The following SGCD variants were observed in gnomAD, a reference collection of about 807,000 sequenced individuals.
The protein encoded by SGCD is sarcoglycan delta.
In SGCD, 18 loss-of-function variants were observed where a neutral mutation model predicts 36.6. The ratio of observed to expected loss-of-function variants is 0.49; its 90% CI spans 0.34 to 0.73. The LOEUF is 0.73. Among genes scored for constraint, SGCD ranks in the 30% least tolerant of loss-of-function variants. The pLI, the probability that SGCD is intolerant of heterozygous loss-of-function variation, is 0.01. For synonymous variants in SGCD, 133 were observed against 130.6 expected, an observed-to-expected ratio of 1.02 and a Z score of -0.12; for missense variants, 387 against 346.7, an observed-to-expected ratio of 1.12 and a Z score of -0.92.
chr5:156,309,032 T>C lies in SGCD; in HGVS notation c.-43-20502T>C, dbSNP rs574922580. Among the ~76,000 whole-genome samples, 11 of 152,308 alleles carry C rather than the reference T, an allele frequency of 7.2e-5. No individual in the cohort carries two copies. The East Asian group carries it at 1.9e-3, about 27-fold the overall frequency. Reference sequence around the variant, plus strand: ...GCTAATAAATTTATTGAGAATCCCTTGTATGTGGCACATTACCTCTCTATT... The same window carrying C: ...GCTAATAAATTTATTGAGAATCCCTCGTATGTGGCACATTACCTCTCTATT... On this transcript the variant is annotated intron_variant, in intron 3 of 9. Coordinates refer to the SGCD transcript ENST00000517913.
In SGCD at chr5:155,878,866, T is replaced by G. The variant is rs1755818857; in HGVS notation, c.-282+8442T>G. 2.0e-5 allele frequency among the ~76,000 whole-genome samples: 3 copies of G among 152,302 alleles called. No individual in the cohort carries two copies. The South Asian group carries it at 6.2e-4, about 32-fold the overall frequency. ...CAAGAAACAAATTCAATATTGAGCT[T>G]TATTTCGTTATTTAAACCAAACTTG... On this transcript the variant is annotated intron_variant, in intron 1 of 9. Transcript: ENST00000517913.
intron 7 of SGCD, among the ~76,000 whole-genome samples, chr5:156,734,302 G>A (rs935197341): frequency 3.4e-5 from 5 of 145,446 alleles, no homozygotes; most frequent in African/African-American, 1.1e-4. Flanking sequence ...CCCTCCAGCT[G>A]CCTTTAACTT....
At chr5:156,069,023 G>A (rs973811727) in intron 1 of SGCD, among the ~76,000 whole-genome samples, 5 of 152,026 alleles carry the variant, frequency 3.3e-5, no homozygotes, top group African/African-American at 4.8e-5. Flanking sequence ...CTGGATATTA[G>A]CCCTTTGTCA....
intron 3 of SGCD, among the ~76,000 whole-genome samples, chr5:156,160,225 A>G (rs1243442006): frequency 1.3e-5 from 2 of 151,696 alleles, no homozygotes; most frequent in Admixed American, 6.5e-5. Flanking sequence ...TTAAGAGATT[A>G]TAATATGAAA....
the SGCD span, among the ~76,000 whole-genome samples, chr5:155,778,440 A>G: frequency 6.6e-6 from 1 of 152,230 alleles, no homozygotes; most frequent in African/African-American, 2.4e-5. Flanking sequence ...GAAGAGAATA[A>G]AACCCAGAAT....
At chr5:155,900,592 A>G (rs1756368711) in intron 1 of SGCD, among the ~76,000 whole-genome samples, 1 of 95,952 alleles carries the variant, frequency 1.0e-5, no homozygotes, top group Non-Finnish European at 2.0e-5. Flanking sequence ...ACTCCACAAC[A>G]GTCCCCAGAG....
At chr5:156,157,528 C>T (rs1031943193) in intron 3 of SGCD, among the ~76,000 whole-genome samples, 1 of 151,682 alleles carries the variant, frequency 6.6e-6, no homozygotes, top group African/African-American at 2.4e-5. Context: ...TTCCACTTTG[C>T]CATAAACTCT....
intron 3 of SGCD, among the ~76,000 whole-genome samples, chr5:156,291,865 G>T (rs1044638037): frequency 5.9e-5 from 9 of 151,912 alleles, no homozygotes; most frequent in African/African-American, 2.2e-4. Context: ...ATTTATTTGT[G>T]GTGGGAACAC....
At chr5:155,859,961 G>T in the SGCD span, among the ~76,000 whole-genome samples, 1 of 152,312 alleles carries the variant, frequency 6.6e-6, no homozygotes, top group East Asian at 1.9e-4. Context: ...TGACAATCCA[G>T]ACATTTCCCC....
At chr5:156,369,620 C>T (rs984569470) in intron 3 of SGCD, among the ~76,000 whole-genome samples, 1 of 152,196 alleles carries the variant, frequency 6.6e-6, no homozygotes, top group Non-Finnish European at 1.5e-5. Context: ...TTCCACTCAT[C>T]TACATTTCCC....
chr5:155,772,561 A>G, the SGCD span, among the ~76,000 whole-genome samples: 1 of 152,118 alleles, frequency 6.6e-6, no homozygotes, highest in Non-Finnish European at 1.5e-5. Context: ...CCCCTGTTAT[A>G]ATGACTCCTT....
At chr5:156,178,670 G>A (rs1763528860) in intron 3 of SGCD, among the ~76,000 whole-genome samples, 1 of 152,090 alleles carries the variant, frequency 6.6e-6, no homozygotes, top group Admixed American at 6.5e-5. Flanking sequence ...CTGCCTTCTG[G>A]GTTCAAGCAA....
chr5:156,028,809 C>T (rs1290782111), intron 1 of SGCD, among the ~76,000 whole-genome samples: 2 of 152,154 alleles, frequency 1.3e-5, no homozygotes, highest in East Asian at 1.9e-4. Flanking sequence ...TCGTCTTTCA[C>T]AAGGAAGAGA....
Position 156,018,167 on chromosome 5 carries a change from G to A in SGCD, c.-281-99711G>A, listed in dbSNP as rs111926479. Among the ~76,000 whole-genome samples, 1,122 of 152,132 alleles carry A rather than the reference G, an allele frequency of 7.4e-3. 17 individuals are homozygous for A. Among genetic ancestry groups the A allele is most frequent in the African/African-American group, 0.025 (1,024 of 41,494 alleles). On this transcript the variant is annotated intron_variant, in intron 1 of 9. Transcript: ENST00000517913. ...TGAGACCCTGTCTTAGTAAATGAAT[G>A]AATCAATGAATGACTAGATAAATAG...
intron 1 of SGCD, among the ~76,000 whole-genome samples, chr5:155,980,460 C>T (rs563476281): frequency 6.3e-4 from 95 of 151,616 alleles, no homozygotes; most frequent in Admixed American, 3.8e-3. Context: ...TGGTGGCAGA[C>T]GCCTGTAGAC....
chr5:155,962,539 G>A (rs550490970), intron 1 of SGCD, among the ~76,000 whole-genome samples: 160 of 152,212 alleles, frequency 1.1e-3, no homozygotes, highest in African/African-American at 3.6e-3. Flanking sequence ...GCATTCAGAG[G>A]TAGTAGCGGG....
intron 4 of SGCD, among the ~76,000 whole-genome samples, chr5:156,554,283 A>G (rs1298597958): frequency 1.3e-5 from 2 of 151,184 alleles, no homozygotes; most frequent in Non-Finnish European, 2.9e-5. Context: ...TGAAATCAGG[A>G]GGCGAAGGTT....
At chr5:156,277,527 T>A (rs756762526) in intron 3 of SGCD, among the ~76,000 whole-genome samples, 6 of 152,126 alleles carry the variant, frequency 3.9e-5, no homozygotes, top group Non-Finnish European at 8.8e-5. Context: ...CACAGCATAA[T>A]AAAACTTGGG....
At chr5:156,292,477 T>C (rs938861720) in intron 3 of SGCD, among the ~76,000 whole-genome samples, 1 of 152,158 alleles carries the variant, frequency 6.6e-6, no homozygotes, top group Non-Finnish European at 1.5e-5. Flanking sequence ...ACTAATTCCA[T>C]TGTATGGATA....
Sources: gnomAD v4.1 joint callset for allele counts (sites outside exome capture counted in the v4.1 genomes callset) on GRCh38, gnomAD v4.1.1 for gene constraint, MANE v1.5 for transcripts, NCBI Gene and HGNC (gene_info 2026-07-23, HGNC 2026-07-21) for gene names.